C1GALT1: variants seen among roughly 807,000 people sequenced by gnomAD.
C1GALT1 encodes the protein core 1 synthase, glycoprotein-N-acetylgalactosamine 3-beta-galactosyltransferase 1.
In C1GALT1, 11 loss-of-function variants were observed where a neutral mutation model predicts 31.0. That is an observed-to-expected ratio of 0.36 (90% CI 0.22 to 0.59). C1GALT1 has a LOEUF of 0.59. C1GALT1 is among the 20% of genes least tolerant of loss of function. The probability of loss-of-function intolerance (pLI) is 0.79; values close to 1 mark genes in which losing one functional copy is unlikely to be tolerated. For synonymous variants in C1GALT1, 175 were observed against 143.6 expected (o/e 1.22, Z -1.56); for missense variants, 424 against 425.2 (o/e 1.00, Z 0.03).
chr7:7,181,273 G>GATATTGCGGAAAGGTGGAAGGATATAGC (rs1349033458), upstream of C1GALT1, among the ~76,000 whole-genome samples: 1 of 151,964 alleles, frequency 6.6e-6, no homozygotes, highest in Non-Finnish European at 1.5e-5. Context: ...AAGGTGGAGG[G>GATATTGCGGAAAGGTGGAAGGATATAGC]GGAGGAGGCT....
intron 2 of C1GALT1, among the ~76,000 whole-genome samples, chr7:7,162,387 T>C (rs1461253528): frequency 1.3e-5 from 2 of 150,938 alleles, no homozygotes; most frequent in Non-Finnish European, 2.9e-5. Flanking sequence ...GTCCTTGCGA[T>C]AGTTTACTGA....
chr7:7,204,741 T>C lies in C1GALT1; in HGVS notation c.-18+21921T>C, dbSNP rs78303629. On this transcript the variant is annotated intron_variant, in intron 1 of 3. Coordinates refer to ENST00000436587, the MANE Select transcript of C1GALT1 (RefSeq NM_020156.5). ...TATCTGTGTCCCATAAATTTTCTTATGTTGTGTTTTTCGTTTGTCTCTAAG... is the reference window on the plus strand; with the variant it reads ...TATCTGTGTCCCATAAATTTTCTTACGTTGTGTTTTTCGTTTGTCTCTAAG... Among the ~76,000 whole-genome samples the C allele has an allele frequency of 2.9e-3, 448 of 152,298 alleles. 3 individuals carry two copies. Among genetic ancestry groups the C allele is most frequent in the African/African-American group, 0.01 (425 of 41,580 alleles).
rs1783868284 is a variant in C1GALT1, at chr7:7,246,861, C to T, written c.*3134C>T. The T allele has an allele frequency of 1.3e-5, 2 of 152,068 alleles. No homozygotes were observed. Among genetic ancestry groups the T allele is most frequent in the African/African-American group, 2.4e-5 (1 of 41,386 alleles). The allele number at this position is 152,068 out of a possible 1,614,324, so 9.4% of individuals were successfully genotyped here. ...AAGCATGTTTTAAATCAGTGTAGTC[C>T]AGGATCACACTATATTAAATATAAA... On this transcript the variant is annotated 3_prime_UTR_variant, in exon 4 of 4. Transcript: ENST00000436587.
intron 1 of C1GALT1, among the ~76,000 whole-genome samples, chr7:7,222,769 A>G (rs1782566348): frequency 6.6e-6 from 1 of 152,226 alleles, no homozygotes; most frequent in Non-Finnish European, 1.5e-5. Context: ...GGACAGGTAT[A>G]CAGAAGTATG....
At chr7:7,188,010 G>T (rs71533353) in intron 1 of C1GALT1, among the ~76,000 whole-genome samples, 29 of 80,126 alleles carry the variant, frequency 3.6e-4, no homozygotes, top group Non-Finnish European at 6.9e-4. Context: ...TTCTGGTGAC[G>T]GGGTATGAGT....
chr7:7,216,747 A>C (rs1410749000), intron 1 of C1GALT1, among the ~76,000 whole-genome samples: 3 of 152,194 alleles, frequency 2.0e-5, no homozygotes, highest in Non-Finnish European at 4.4e-5. Context: ...TGATGGGACA[A>C]TATCGGGACT....
chr7:7,204,364 T>C (rs1186020233), intron 1 of C1GALT1, among the ~76,000 whole-genome samples: 1 of 152,080 alleles, frequency 6.6e-6, no homozygotes, highest in Non-Finnish European at 1.5e-5. Flanking sequence ...TTCGGTTGTT[T>C]ATAGTATCCT....
intron 1 of C1GALT1, among the ~76,000 whole-genome samples, chr7:7,216,714 G>A (rs897204203): frequency 1.3e-5 from 2 of 152,190 alleles, no homozygotes; most frequent in African/African-American, 4.8e-5. Flanking sequence ...AAGAACGTAG[G>A]AATAGAATGG....
intron 2 of C1GALT1, among the ~76,000 whole-genome samples, chr7:7,167,875 T>C (rs540279859): frequency 2.1e-4 from 32 of 152,294 alleles, no homozygotes; most frequent in African/African-American, 7.0e-4. Flanking sequence ...GCTTAGTCCT[T>C]GTCTCTGAAG....
rs181902119 is a variant in C1GALT1 at position 7,238,047 on chromosome 7, C to G, written c.221-208C>G. ...ATTATAATGTCAACTCTTACTAGCTCCAGTGATGTCCTAGATAACACTGAC... is the reference window on the plus strand; with the variant it reads ...ATTATAATGTCAACTCTTACTAGCTGCAGTGATGTCCTAGATAACACTGAC... On this transcript the variant is annotated intron_variant, in intron 2 of 3. Transcript: ENST00000436587. This position sits in a 1 kb window ranked among gnomAD's most constrained non-coding sequence, Gnocchi z 5.2. 4.5e-4 allele frequency among the ~76,000 whole-genome samples: 69 copies of G among 152,242 alleles called. 1 individual carries two copies. The highest frequency in any genetic ancestry group is 3.4e-3 in the Middle Eastern group (1 of 294).
intron 1 of C1GALT1, among the ~76,000 whole-genome samples, chr7:7,232,790 G>T (rs951467425): frequency 6.6e-6 from 1 of 152,018 alleles, no homozygotes; most frequent in Non-Finnish European, 1.5e-5. Context: ...ACGCCCAGCC[G>T]GGCATGGGCT....
chr7:7,181,142 C>G (rs987747151), upstream of C1GALT1, among the ~76,000 whole-genome samples: 6 of 139,172 alleles, frequency 4.3e-5, no homozygotes, highest in Non-Finnish European at 7.8e-5. Flanking sequence ...ATTTGGAACA[C>G]TGACCCCTGA....
rs548557324 is a variant in C1GALT1 at position 7,246,547 on chromosome 7, G to A, written c.*2820G>A. On this transcript the variant is annotated 3_prime_UTR_variant, in exon 4 of 4. Transcript: ENST00000436587. ...AGTATGCATTCTTACCAGATACCTT[G>A]GGCAGTGACTGTCAAAAGTCTGGTC... The A allele has an allele frequency of 4.6e-5, 7 of 152,036 alleles. No individual in the cohort carries two copies. Among genetic ancestry groups the A allele is most frequent in the African/African-American group, 1.7e-4 (7 of 41,382 alleles). The allele number at this position is 152,036 out of a possible 1,614,324, so 9.4% of individuals were successfully genotyped here. A position where few individuals can be genotyped will look rare whatever the true frequency, so the allele number is the denominator to read the frequency against.
chr7:7,169,721 T>C (rs551558660), intron 2 of C1GALT1, among the ~76,000 whole-genome samples: 128 of 152,254 alleles, frequency 8.4e-4, no homozygotes, highest in Admixed American at 1.8e-3. Context: ...TTTTAAATCG[T>C]GTTGTTTGTC....
chr7:7,236,108 T>C (rs1170464334), intron 2 of C1GALT1, among the ~76,000 whole-genome samples: 1 of 152,256 alleles, frequency 6.6e-6, no homozygotes, highest in Non-Finnish European at 1.5e-5. Flanking sequence ...CTTCAGCACA[T>C]TGAATCCTTT....
intron 1 of C1GALT1, among the ~76,000 whole-genome samples, chr7:7,232,570 A>T (rs1313612067): frequency 1.3e-5 from 2 of 149,878 alleles, no homozygotes; most frequent in East Asian, 2.0e-4. Flanking sequence ...TCGGTCCTGC[A>T]GTCCTGCCTC....
At chr7:7,190,951 C>A (rs971520393) in intron 1 of C1GALT1, among the ~76,000 whole-genome samples, 3 of 151,948 alleles carry the variant, frequency 2.0e-5, no homozygotes, top group African/African-American at 7.3e-5. Context: ...ATCATTGATA[C>A]CTTTTTTTTT....
At chr7:7,195,013 C>T (rs1781223784) in intron 1 of C1GALT1, among the ~76,000 whole-genome samples, 2 of 152,042 alleles carry the variant, frequency 1.3e-5, no homozygotes, top group Admixed American at 1.3e-4. Flanking sequence ...TGGTATCAAT[C>T]TAATATCTCC....
chr7:7,189,085 A>G (rs985287180), intron 1 of C1GALT1, among the ~76,000 whole-genome samples: 3 of 152,204 alleles, frequency 2.0e-5, no homozygotes, highest in Admixed American at 6.5e-5. Flanking sequence ...CTTATTAACA[A>G]TAAAAAGTAA....
Sources: allele counts gnomAD v4.1 joint callset (sites outside exome capture counted in the v4.1 genomes callset), GRCh38; gene constraint gnomAD v4.1.1; non-coding constraint Gnocchi (gnomAD v3.1); transcripts MANE v1.5; gene names NCBI Gene and HGNC (gene_info 2026-07-23, HGNC 2026-07-21).